Variants in PTPRM observed in about 807,000 individuals in gnomAD.
The protein encoded by PTPRM is protein tyrosine phosphatase receptor type M, also known as receptor-type tyrosine-protein phosphatase mu.
In PTPRM, 47 loss-of-function variants were observed where a neutral mutation model predicts 186.7. That is an observed-to-expected ratio of 0.25 (90% CI 0.20 to 0.32). The LOEUF is 0.32. Ranked by LOEUF, PTPRM falls within the 10% of genes least tolerant of loss-of-function variation. The pLI, the probability that PTPRM is intolerant of heterozygous loss-of-function variation, is 1.00. For synonymous variants in PTPRM, 668 were observed against 674.9 expected (o/e 0.99, Z 0.16); for missense variants, 1,494 against 1,865.0 (o/e 0.80, Z 3.66).
Position 8,394,471 on chromosome 18 carries a change from G to A in PTPRM, c.4209-5G>A, listed in dbSNP as rs760655010. 5.0e-6 allele frequency: 8 copies of A among 1,604,152 alleles called. No homozygotes were observed. Among genetic ancestry groups the A allele is most frequent in the Non-Finnish European group, 3.4e-6 (4 of 1,175,110 alleles). On this transcript the variant is annotated splice_region_variant and splice_polypyrimidine_tract_variant and intron_variant, in intron 31 of 32. Coordinates refer to ENST00000580170, the MANE Select transcript of PTPRM (RefSeq NM_001105244.2). ...AGTGCAGTCATCTGATCTTTTTCAC[G>A]ACAGGAACGGGGGAGGCCGCAGTGG...
chr18:8,175,725 G>C (rs2093470841), intron 14 of PTPRM, among the ~76,000 whole-genome samples: 1 of 152,234 alleles, frequency 6.6e-6, no homozygotes, highest in African/African-American at 2.4e-5. Flanking sequence ...GCCTGGCTTA[G>C]TGTGCTGAGT....
At chr18:7,789,342 G>T (rs11877509) in intron 2 of PTPRM, among the ~76,000 whole-genome samples, 3,484 of 151,916 alleles carry the variant, frequency 0.023, 122 homozygotes, top group African/African-American at 0.074. Flanking sequence ...TGATGATGAT[G>T]ATTATTATTA....
At chr18:7,642,316 T>A (rs963683517) in intron 1 of PTPRM, among the ~76,000 whole-genome samples, 4 of 152,208 alleles carry the variant, frequency 2.6e-5, no homozygotes, top group Non-Finnish European at 4.4e-5. Flanking sequence ...AACTATTTGT[T>A]CTCTTTTAGG....
chr18:7,592,758 A>G (rs2037159898), intron 1 of PTPRM, among the ~76,000 whole-genome samples: 1 of 152,208 alleles, frequency 6.6e-6, no homozygotes, highest in African/African-American at 2.4e-5. Flanking sequence ...TTGTCAAGAA[A>G]GAGCAACATT....
chr18:8,196,243 C>T (rs1292049964), intron 14 of PTPRM, among the ~76,000 whole-genome samples: 1 of 152,168 alleles, frequency 6.6e-6, no homozygotes, highest in Admixed American at 6.5e-5. Context: ...TTCAGAAGTT[C>T]CAAGGTAAGC....
chr18:7,904,520 A>C (rs1038754447), intron 3 of PTPRM, among the ~76,000 whole-genome samples: 2 of 152,212 alleles, frequency 1.3e-5, no homozygotes, highest in Non-Finnish European at 2.9e-5. Flanking sequence ...CATAGAGTAC[A>C]TGATCTTCGG....
intron 14 of PTPRM, among the ~76,000 whole-genome samples, chr18:8,190,114 A>AT (rs2093691895): frequency 1.3e-5 from 2 of 152,262 alleles, no homozygotes; most frequent in South Asian, 2.1e-4. Context: ...AATTATGCTT[A>AT]TTTTTTGTGG....
chr18:8,021,079 G>C (rs1050817089), intron 7 of PTPRM, among the ~76,000 whole-genome samples: 2 of 152,078 alleles, frequency 1.3e-5, no homozygotes, highest in African/African-American at 4.8e-5. Context: ...CTTCAAGAAA[G>C]GTTTTAGAGC....
intron 7 of PTPRM, among the ~76,000 whole-genome samples, chr18:8,023,407 T>C (rs1255460543): frequency 6.6e-6 from 1 of 152,108 alleles, no homozygotes; most frequent in Non-Finnish European, 1.5e-5. Flanking sequence ...TATAGGCTGA[T>C]TGGTTTCAAA....
chr18:8,282,386 G>A (rs1042655858), intron 19 of PTPRM, among the ~76,000 whole-genome samples: 13 of 152,234 alleles, frequency 8.5e-5, no homozygotes, highest in African/African-American at 3.1e-4. Context: ...ACAGATGCCA[G>A]GCGTAGTGGC....
At chr18:8,330,446 T>G (rs1261524828) in intron 22 of PTPRM, among the ~76,000 whole-genome samples, 2 of 152,210 alleles carry the variant, frequency 1.3e-5, no homozygotes, top group African/African-American at 4.8e-5. Flanking sequence ...ATTAGATTTA[T>G]TCTCTTTTTT....
chr18:8,081,745 G>A (rs1246561373), intron 9 of PTPRM, among the ~76,000 whole-genome samples: 1 of 152,148 alleles, frequency 6.6e-6, no homozygotes, highest in Non-Finnish European at 1.5e-5. Context: ...GGATGGGTCT[G>A]AGATGGGGAA....
Position 7,668,732 on chromosome 18 carries a change from CT to C in PTPRM, c.73+100843del, listed in dbSNP as rs1438868759. Among the ~76,000 whole-genome samples the C allele has an allele frequency of 1.3e-5, 2 of 152,184 alleles. No homozygotes were observed. The highest frequency in any genetic ancestry group is 2.9e-5 in the Non-Finnish European group (2 of 68,038). ...TCACCTTCTTAGGTCCTAGTGTCAA[CT>C]TCTCAGCAAGGCTCACCCTGGCCAC... On this transcript the variant is annotated intron_variant, in intron 1 of 32. Transcript: ENST00000580170. The surrounding 1 kb of genome is among the most constrained non-coding windows in gnomAD (Gnocchi z 4.7).
intron 20 of PTPRM, among the ~76,000 whole-genome samples, chr18:8,303,627 G>T (rs2095186235): frequency 6.6e-6 from 1 of 152,134 alleles, no homozygotes; most frequent in Non-Finnish European, 1.5e-5. Context: ...ATAAATCCCT[G>T]CCAGGATTCT....
At chr18:7,830,397 A>G (rs1373717414) in intron 2 of PTPRM, among the ~76,000 whole-genome samples, 3 of 152,228 alleles carry the variant, frequency 2.0e-5, no homozygotes, top group African/African-American at 7.2e-5. Context: ...CAAGGGGGAT[A>G]TGTTCTGAGA....
At chr18:7,915,195 A>G (rs1800157699) in intron 4 of PTPRM, among the ~76,000 whole-genome samples, 1 of 152,152 alleles carries the variant, frequency 6.6e-6, no homozygotes, top group African/African-American at 2.4e-5. Flanking sequence ...GAAACAGAAT[A>G]TGGAAGCGAT....
intron 14 of PTPRM, among the ~76,000 whole-genome samples, chr18:8,170,412 AGC>A (rs2093381837): frequency 1.3e-5 from 2 of 151,828 alleles, no homozygotes; most frequent in Admixed American, 6.6e-5. Context: ...TTTGTAAATG[AGC>A]TGAGCGTTTG....
chr18:8,348,827 A>T (rs1341596594), intron 23 of PTPRM, among the ~76,000 whole-genome samples: 2 of 152,234 alleles, frequency 1.3e-5, no homozygotes, highest in African/African-American at 4.8e-5. Flanking sequence ...AAAAATCCAA[A>T]TGAGGTCTCA....
chr18:8,188,172 G>T (rs1464074210), intron 14 of PTPRM, among the ~76,000 whole-genome samples: 2 of 152,154 alleles, frequency 1.3e-5, no homozygotes, highest in African/African-American at 4.8e-5. Context: ...CTTTTAAAAG[G>T]TAAAACAAAA....
Sources: allele counts gnomAD v4.1 joint callset (sites outside exome capture counted in the v4.1 genomes callset), GRCh38; gene constraint gnomAD v4.1.1; non-coding constraint Gnocchi (gnomAD v3.1); transcripts MANE v1.5; gene names NCBI Gene and HGNC (gene_info 2026-07-23, HGNC 2026-07-21).